Variants in TAOK3 observed in about 807,000 individuals in gnomAD.
TAOK3 encodes TAO kinase 3, also known as serine/threonine-protein kinase TAO3.
In TAOK3, 40 loss-of-function variants were observed where a neutral mutation model predicts 120.4. The observed-to-expected ratio is 0.33, with a 90% CI of 0.26 to 0.43. TAOK3 has a LOEUF of 0.43. Ranked by LOEUF, TAOK3 falls within the 20% of genes least tolerant of loss-of-function variation. TAOK3 has a pLI of 1.00. For synonymous variants in TAOK3, 355 were observed against 387.5 expected (o/e 0.92, Z 0.99); for missense variants, 821 against 1,112.1 (o/e 0.74, Z 3.72).
intron 19 of TAOK3, 161 bp downstream of exon 19, chr12:118,159,985 G>C (rs1301000767): frequency 1.5e-6 from 1 of 646,496 alleles, no homozygotes; most frequent in Admixed American, 2.8e-5. Flanking sequence ...ATCCACATTG[G>C]CTTGGCTTTA....
At chr12:118,167,252 A>C (rs1219034028) in intron 17 of TAOK3, among the ~76,000 whole-genome samples, 1 of 152,122 alleles carries the variant, frequency 6.6e-6, no homozygotes, top group Non-Finnish European at 1.5e-5. Flanking sequence ...CTTTAGGCAA[A>C]GACACAGGAA....
intron 11 of TAOK3, among the ~76,000 whole-genome samples, chr12:118,212,341 C>T: frequency 6.6e-6 from 1 of 152,214 alleles, no homozygotes; most frequent in East Asian, 1.9e-4. Flanking sequence ...TGATGCAACA[C>T]ACTGCCTATG....
At chr12:118,367,016 C>T (rs1403385602) in intron 1 of TAOK3, among the ~76,000 whole-genome samples, 1 of 152,090 alleles carries the variant, frequency 6.6e-6, no homozygotes, top group Non-Finnish European at 1.5e-5. Context: ...CGAGATGGCA[C>T]CACTGAAGTC....
intron 1 of TAOK3, among the ~76,000 whole-genome samples, chr12:118,365,738 C>T (rs150647794): frequency 9.5e-4 from 144 of 152,236 alleles, no homozygotes; most frequent in Middle Eastern, 3.4e-3. Context: ...TGAATAAAAC[C>T]CATCTCTGTC....
intron 7 of TAOK3, 31 bp downstream of exon 7, chr12:118,238,042 G>T: frequency 6.9e-7 from 1 of 1,440,100 alleles, no homozygotes; most frequent in Non-Finnish European, 9.6e-7. Flanking sequence ...TCCTGCAACT[G>T]AAAAGAAACA....
chr12:118,182,180 C>CA lies in TAOK3; in HGVS notation c.1330-574dup, dbSNP rs912912774. Among the ~76,000 whole-genome samples, 92 of 147,698 alleles carry CA rather than the reference C, an allele frequency of 6.2e-4. 1 individual carries two copies. Among genetic ancestry groups the CA allele is most frequent in the Middle Eastern group, 7.2e-3 (2 of 278 alleles). On this transcript the variant is annotated intron_variant, in intron 14 of 20. Transcript: ENST00000392533. ...AGCCTGGGTGACAGAGACTCTGTCT[C>CA]AAAAAAAAACAACAACAACAAAAAG...
chr12:118,183,672 C>T (rs1466172284), intron 14 of TAOK3, among the ~76,000 whole-genome samples: 1 of 152,112 alleles, frequency 6.6e-6, no homozygotes, highest in Non-Finnish European at 1.5e-5. Flanking sequence ...CAATTCTAAT[C>T]AATGGAAAGG....
chr12:118,316,578 T>TC (rs1458551402), intron 1 of TAOK3, among the ~76,000 whole-genome samples: 1 of 146,250 alleles, frequency 6.8e-6, no homozygotes, highest in Non-Finnish European at 1.5e-5. Context: ...ATTCTCTCTC[T>TC]TTTTTTTTTT....
chr12:118,334,267 T>C (rs948189121), intron 1 of TAOK3, among the ~76,000 whole-genome samples: 4 of 152,170 alleles, frequency 2.6e-5, no homozygotes, highest in South Asian at 2.1e-4. Context: ...GGTATATATA[T>C]GTAGTATACA....
intron 1 of TAOK3, among the ~76,000 whole-genome samples, chr12:118,354,294 T>C (rs973169647): frequency 6.6e-6 from 1 of 152,174 alleles, no homozygotes; most frequent in African/African-American, 2.4e-5. Flanking sequence ...ACACAAGCAC[T>C]GAGGTACCAC....
chr12:118,198,975 T>C, intron 13 of TAOK3, 76 bp downstream of exon 13: 1 of 1,534,424 alleles, frequency 6.5e-7, no homozygotes, highest in East Asian at 2.3e-5. Flanking sequence ...CTGAAACATC[T>C]GGAAGCTAAG....
chr12:118,239,681 A>G (rs1229556048), intron 5 of TAOK3, among the ~76,000 whole-genome samples: 1 of 152,236 alleles, frequency 6.6e-6, no homozygotes, highest in Non-Finnish European at 1.5e-5. Flanking sequence ...ATACCAGTTA[A>G]ATAAAATAAA....
chr12:118,345,004 AAGGATCACT>A (rs2044794278), intron 1 of TAOK3, among the ~76,000 whole-genome samples: 1 of 152,160 alleles, frequency 6.6e-6, no homozygotes, highest in African/African-American at 2.4e-5. Context: ...TAGCCAGTTA[AAGGATCACT>A]AGCAAATTTC....
intron 1 of TAOK3, among the ~76,000 whole-genome samples, chr12:118,307,276 A>C (rs1367627312): frequency 6.6e-6 from 1 of 151,750 alleles, no homozygotes; most frequent in Non-Finnish European, 1.5e-5. Flanking sequence ...CATTTGTAAA[A>C]CAGAAAGCAA....
At chr12:118,211,435 T>C (rs1381044181) in intron 11 of TAOK3, among the ~76,000 whole-genome samples, 1 of 152,178 alleles carries the variant, frequency 6.6e-6, no homozygotes, top group East Asian at 1.9e-4. Context: ...CTATTCACCA[T>C]TGGAAACATC....
chr12:118,185,722 T>G (rs2037032968), intron 14 of TAOK3, among the ~76,000 whole-genome samples: 1 of 152,234 alleles, frequency 6.6e-6, no homozygotes, highest in Admixed American at 6.5e-5. Context: ...AAATGCAAAC[T>G]TATAAATCCA....
At chr12:118,270,598 C>G (rs2041655140) in intron 1 of TAOK3, among the ~76,000 whole-genome samples, 1 of 150,510 alleles carries the variant, frequency 6.6e-6, no homozygotes, top group South Asian at 2.1e-4. Flanking sequence ...CTCACTTGGT[C>G]TTTGTCTAAG....
chr12:118,366,492 T>G (rs1263632928), intron 1 of TAOK3, among the ~76,000 whole-genome samples: 2 of 152,106 alleles, frequency 1.3e-5, no homozygotes, highest in African/African-American at 4.8e-5. Context: ...ACACATAAAA[T>G]TAAATATATA....
At chr12:118,257,879 C>T (rs1228680818) in intron 2 of TAOK3, among the ~76,000 whole-genome samples, 2 of 152,072 alleles carry the variant, frequency 1.3e-5, no homozygotes, top group East Asian at 3.8e-4. Flanking sequence ...ATACCCTGTA[C>T]TGAGTTTTGG....
Sources: allele counts gnomAD v4.1 joint callset (sites outside exome capture counted in the v4.1 genomes callset), GRCh38; gene constraint gnomAD v4.1.1; transcripts MANE v1.5; gene names NCBI Gene and HGNC (gene_info 2026-07-23, HGNC 2026-07-21).